The following RTN1 variants were observed in gnomAD, a reference collection of about 807,000 sequenced individuals.
RTN1 encodes reticulon 1, also known as reticulon-1.
In RTN1, 25 loss-of-function variants were observed where a neutral mutation model predicts 65.5. That is an observed-to-expected ratio of 0.38 (90% CI 0.28 to 0.53). The LOEUF is 0.53. RTN1 is among the 20% of genes least tolerant of loss of function. RTN1 has a pLI of 0.79. For missense variants in RTN1, 983 were observed against 1,025.4 expected, an observed-to-expected ratio of 0.96 and a Z score of 0.57; for synonymous variants, 471 against 447.6, an observed-to-expected ratio of 1.05 and a Z score of -0.66.
At chr14:59,620,213 T>C (rs1594636126) in intron 3 of RTN1, among the ~76,000 whole-genome samples, 4 of 152,106 alleles carry the variant, frequency 2.6e-5, no homozygotes, top group Admixed American at 2.6e-4. Flanking sequence ...CAGATACGTG[T>C]TGAGGTGGAA....
intron 1 of RTN1, among the ~76,000 whole-genome samples, chr14:59,840,888 A>G (rs1475229215): frequency 6.6e-6 from 1 of 152,224 alleles, no homozygotes; most frequent in African/African-American, 2.4e-5. Context: ...TTTTCATGCC[A>G]TTCACAAAAG....
At chr14:59,708,209 G>C (rs761405242) in intron 3 of RTN1, among the ~76,000 whole-genome samples, 2 of 152,220 alleles carry the variant, frequency 1.3e-5, no homozygotes, top group Admixed American at 6.5e-5. Flanking sequence ...CTCAGAATAG[G>C]AGGTGGGGGG....
intron 1 of RTN1, among the ~76,000 whole-genome samples, chr14:59,770,378 C>CA (rs774086177): frequency 0.45 from 23,897 of 53,532 alleles, 4,796 homozygotes; most frequent in Admixed American, 0.54. Context: ...AACTCTGCCT[C>CA]AAAAAAAAAA....
At position 59,829,904 on chromosome 14, in the gene RTN1, A is replaced by T. The variant is rs751787612; in HGVS notation, c.241+40486T>A. 2.2e-4 allele frequency among the ~76,000 whole-genome samples: 34 copies of T among 152,228 alleles called. No homozygotes were observed. Among genetic ancestry groups the T allele is most frequent in the Non-Finnish European group, 4.0e-4 (27 of 68,046 alleles). The stretch of plus-strand genomic sequence containing the variant: ...AAACCAAAAATATTTCTCAAATAGC[A>T]TTCATGAATATTGTACCCAAGGACA... On this transcript the variant is annotated intron_variant, in intron 1 of 8. Coordinates refer to ENST00000267484, the MANE Select transcript of RTN1 (RefSeq NM_021136.3). The surrounding 1 kb of genome is among the most constrained non-coding windows in gnomAD (Gnocchi z 4.3).
At chr14:59,804,869 T>G (rs1328491001) in intron 1 of RTN1, among the ~76,000 whole-genome samples, 1 of 152,226 alleles carries the variant, frequency 6.6e-6, no homozygotes, top group Non-Finnish European at 1.5e-5. Flanking sequence ...TTTAGCTTAG[T>G]GCTTAATGTT....
intron 3 of RTN1, among the ~76,000 whole-genome samples, chr14:59,612,852 T>C (rs1881995649): frequency 6.6e-6 from 1 of 152,256 alleles, no homozygotes; most frequent in East Asian, 1.9e-4. Context: ...CTTTCCAAGC[T>C]TGAAATTTGC....
In RTN1 at chr14:59,790,531, T is replaced by C. The variant is rs930322422; in HGVS notation, c.242-44050A>G. ...ATTCTGATAGAAGCCTGATTTTTCC[T>C]CTTCTAGGGGATTTGGTTTTGTGTG... On this transcript the variant is annotated intron_variant, in intron 1 of 8. Coordinates refer to ENST00000267484, the MANE Select transcript of RTN1 (RefSeq NM_021136.3). The surrounding 1 kb of genome is among the most constrained non-coding windows in gnomAD (Gnocchi z 4.1). Among the ~76,000 whole-genome samples the C allele has an allele frequency of 6.6e-6, 1 of 152,186 alleles. No homozygotes were observed. Among genetic ancestry groups the C allele is most frequent in the Non-Finnish European group, 1.5e-5 (1 of 68,014 alleles).
At chr14:59,815,444 T>TCTC (rs1174302203) in intron 1 of RTN1, among the ~76,000 whole-genome samples, 1 of 152,152 alleles carries the variant, frequency 6.6e-6, no homozygotes, top group Non-Finnish European at 1.5e-5. Context: ...ACTTTAAAAA[T>TCTC]CTCCTCCTGA....
chr14:59,834,861 T>C (rs1026167174), intron 1 of RTN1, among the ~76,000 whole-genome samples: 5 of 152,184 alleles, frequency 3.3e-5, no homozygotes, highest in Non-Finnish European at 5.9e-5. Context: ...ATAGCAAATC[T>C]TGGTAAGGAT....
chr14:59,749,141 T>C (rs1377645688), intron 1 of RTN1, among the ~76,000 whole-genome samples: 1 of 110,404 alleles, frequency 9.1e-6, no homozygotes, highest in African/African-American at 4.5e-5. Context: ...TCTATATCTA[T>C]CTATCTATCT....
In RTN1 at chr14:59,825,131, T is replaced by C. The variant is rs1463300741; in HGVS notation, c.241+45259A>G. On this transcript the variant is annotated intron_variant, in intron 1 of 8. Transcript: ENST00000267484. The surrounding 1 kb of genome is among the most constrained non-coding windows in gnomAD (Gnocchi z 4.2). ...GTGAAATTAACTTGTTCTAGAGAGCTGTCCTGTGCATTGTAGAATCTTTAC... is the reference window on the plus strand; with the variant it reads ...GTGAAATTAACTTGTTCTAGAGAGCCGTCCTGTGCATTGTAGAATCTTTAC... 6.6e-6 allele frequency among the ~76,000 whole-genome samples: 1 copy of C among 152,266 alleles called. No homozygotes were observed. The highest frequency in any genetic ancestry group is 1.5e-5 in the Non-Finnish European group (1 of 68,048).
chr14:59,618,348 C>T (rs968418220), intron 3 of RTN1, among the ~76,000 whole-genome samples: 10 of 152,220 alleles, frequency 6.6e-5, no homozygotes, highest in South Asian at 2.1e-4. Context: ...GATGGATCAG[C>T]TGGCCCCACC....
At chr14:59,598,005 A>C (rs569227347) in intron 8 of RTN1, among the ~76,000 whole-genome samples, 5 of 152,272 alleles carry the variant, frequency 3.3e-5, no homozygotes, top group Admixed American at 3.3e-4. Context: ...ATGGGAAACC[A>C]TTGATGAATT....
chr14:59,605,607 G>A, intron 4 of RTN1, 101 bp from the exon 5 acceptor site: 7 of 1,242,530 alleles, frequency 5.6e-6, no homozygotes, highest in Non-Finnish European at 8.0e-6. Flanking sequence ...TCACTCTGAG[G>A]GTGAGAGCAG....
intron 3 of RTN1, among the ~76,000 whole-genome samples, chr14:59,667,434 C>A (rs1451553105): frequency 6.6e-6 from 1 of 152,066 alleles, no homozygotes; most frequent in Non-Finnish European, 1.5e-5. Flanking sequence ...AACTCTCAAT[C>A]AACTAGGTAT....
intron 1 of RTN1, among the ~76,000 whole-genome samples, chr14:59,847,699 A>C (rs763921639): frequency 2.0e-5 from 3 of 152,224 alleles, no homozygotes; most frequent in Non-Finnish European, 2.9e-5. Flanking sequence ...TCGACTTCCC[A>C]CTTAAAAAAT....
intron 3 of RTN1, among the ~76,000 whole-genome samples, chr14:59,689,987 T>TC (rs1360129907): frequency 6.7e-6 from 1 of 149,030 alleles, no homozygotes; most frequent in African/African-American, 2.4e-5. Flanking sequence ...TAATTTCCTT[T>TC]TTTTTTTTTT....
Position 59,816,234 on chromosome 14 carries a change from GAC to G in RTN1, c.241+54154_241+54155del, listed in dbSNP as rs138745698. 2.7e-5 allele frequency among the ~76,000 whole-genome samples: 4 copies of G among 150,936 alleles called. No individual in the cohort carries two copies. The highest frequency in any genetic ancestry group is 5.9e-5 in the Non-Finnish European group (4 of 67,806). On this transcript the variant is annotated intron_variant, in intron 1 of 8. Transcript: ENST00000267484. The surrounding 1 kb of genome is among the most constrained non-coding windows in gnomAD (Gnocchi z 4.3). ...AAGCTTGCGTGCGTGCACACACACA[GAC>G]ACACACACACACTAGTTACTCAGGT...
intron 1 of RTN1, among the ~76,000 whole-genome samples, chr14:59,783,684 G>C (rs1886197591): frequency 6.6e-6 from 1 of 152,108 alleles, no homozygotes; most frequent in Non-Finnish European, 1.5e-5. Flanking sequence ...CTTTTCCCTA[G>C]AATAAGGGAG....
Sources: gnomAD v4.1 joint callset for allele counts (sites outside exome capture counted in the v4.1 genomes callset) on GRCh38, gnomAD v4.1.1 for gene constraint, Gnocchi (gnomAD v3.1) non-coding constraint, MANE v1.5 for transcripts, NCBI Gene and HGNC (gene_info 2026-07-23, HGNC 2026-07-21) for gene names.